Variants in ABI2 observed in about 807,000 individuals in gnomAD.
The protein encoded by ABI2 is abelson interactor 2.
A neutral mutation model predicts 59.2 loss-of-function variants in ABI2; 25 were observed. The ratio of observed to expected loss-of-function variants is 0.42; its 90% CI spans 0.31 to 0.59. The LOEUF (loss-of-function observed/expected upper bound fraction) is 0.59. Among genes scored for constraint, ABI2 ranks in the 20% least tolerant of loss-of-function variants. The pLI is 0.14. For missense variants in ABI2, 545 were observed against 681.8 expected (o/e 0.80, Z 2.23); for synonymous variants, 213 against 235.5 (o/e 0.90, Z 0.87).
chr2:203,413,086 A>C (rs905935032), intron 10 of ABI2, among the ~76,000 whole-genome samples: 9 of 152,228 alleles, frequency 5.9e-5, no homozygotes, highest in African/African-American at 1.7e-4. Flanking sequence ...TACACCTTAG[A>C]GAATTCTGCC....
intron 1 of ABI2, among the ~76,000 whole-genome samples, chr2:203,357,472 T>C (rs1187532579): frequency 6.6e-6 from 1 of 152,226 alleles, no homozygotes; most frequent in African/African-American, 2.4e-5. Flanking sequence ...GTTCTGAATC[T>C]CACGAAGATT....
chr2:203,345,924 A>T (rs1368117249), intron 1 of ABI2, among the ~76,000 whole-genome samples: 2 of 151,922 alleles, frequency 1.3e-5, no homozygotes, highest in African/African-American at 2.4e-5. Context: ...TCACGCCTGT[A>T]ATCCCAGCAC....
intron 1 of ABI2, among the ~76,000 whole-genome samples, chr2:203,344,293 C>T (rs1188482943): frequency 6.6e-6 from 1 of 152,022 alleles, no homozygotes; most frequent in Non-Finnish European, 1.5e-5. Flanking sequence ...CCAACAATGC[C>T]AGTAATTGCT....
At chr2:203,350,859 GTT>G (rs1418559745) in intron 1 of ABI2, among the ~76,000 whole-genome samples, 3 of 114,712 alleles carry the variant, frequency 2.6e-5, no homozygotes, top group African/African-American at 3.6e-5. Flanking sequence ...TTTGTTGTGT[GTT>G]TTGTGTGTGT....
chr2:203,391,539 T>G (rs2096741256), intron 5 of ABI2, among the ~76,000 whole-genome samples: 1 of 152,072 alleles, frequency 6.6e-6, no homozygotes. Context: ...TCAGGCCAGG[T>G]GTGTTGGCTC....
At chr2:203,367,191 T>G (rs1030637284) in intron 2 of ABI2, 147 bp downstream of exon 2, 16 of 1,143,516 alleles carry the variant, frequency 1.4e-5, no homozygotes, top group Non-Finnish European at 1.7e-5. Flanking sequence ...TGTTTTTAGA[T>G]TCTGTCTTTT....
At chr2:203,374,822 GT>G in intron 2 of ABI2, 1 of 456,168 alleles carries the variant, frequency 2.2e-6, no homozygotes, top group Non-Finnish European at 4.4e-6. Context: ...GATTGCAGAT[GT>G]TTTCCCACAC....
intron 2 of ABI2, among the ~76,000 whole-genome samples, chr2:203,373,063 C>T (rs1336996736): frequency 2.6e-5 from 4 of 152,204 alleles, no homozygotes; most frequent in Non-Finnish European, 5.9e-5. Context: ...GATGGGGTGG[C>T]GGCCGGGCAG....
rs189482651 is a variant in ABI2, at chr2:203,383,586, A to G, written c.480+1380A>G. On this transcript the variant is annotated intron_variant, in intron 4 of 11. Transcript: ENST00000261018. The stretch of plus-strand genomic sequence containing the variant: ...CTACTATCTCATGCTTGTTTTCTCT[A>G]AGCCCCAGTATGATTCCTTCTTGAT... Among the ~76,000 whole-genome samples, 199 of 152,258 alleles carry G rather than the reference A, an allele frequency of 1.3e-3. 1 individual carries two copies. The highest frequency in any genetic ancestry group is 4.4e-3 in the African/African-American group (184 of 41,558).
chr2:203,397,474 G>A (rs907419574), intron 8 of ABI2, among the ~76,000 whole-genome samples: 1 of 152,146 alleles, frequency 6.6e-6, no homozygotes, highest in African/African-American at 2.4e-5. Flanking sequence ...TATTTAAGTT[G>A]GCTGGTGTTT....
intron 1 of ABI2, among the ~76,000 whole-genome samples, chr2:203,365,932 G>A (rs1222942343): frequency 2.6e-5 from 4 of 151,950 alleles, no homozygotes. Flanking sequence ...CCCGGCCGGG[G>A]CTGTTATCTT....
chr2:203,426,535 GTTA>G (rs764079229), intron 11 of ABI2, among the ~76,000 whole-genome samples: 3 of 152,092 alleles, frequency 2.0e-5, no homozygotes, highest in Admixed American at 6.6e-5. Flanking sequence ...CTTTTAGTCT[GTTA>G]TTATAGTTAT....
intron 2 of ABI2, among the ~76,000 whole-genome samples, chr2:203,379,112 C>T (rs759370952): frequency 6.6e-6 from 1 of 152,056 alleles, no homozygotes; most frequent in Non-Finnish European, 1.5e-5. Context: ...ATTGTAATTA[C>T]AATACATTCT....
intron 9 of ABI2, among the ~76,000 whole-genome samples, chr2:203,403,860 T>C (rs1277580957): frequency 6.6e-6 from 1 of 151,014 alleles, no homozygotes; most frequent in African/African-American, 2.4e-5. Context: ...CAAGAGATTC[T>C]CCTGCCTCAG....
At chr2:203,415,259 G>A (rs1419644175) in intron 10 of ABI2, among the ~76,000 whole-genome samples, 1 of 152,176 alleles carries the variant, frequency 6.6e-6, no homozygotes, top group Non-Finnish European at 1.5e-5. Context: ...CAGATGGGAA[G>A]AATACTGATA....
chr2:203,428,028 G>A lies in ABI2; in HGVS notation c.*676G>A, dbSNP rs1247390736. On this transcript the variant is annotated 3_prime_UTR_variant, in exon 12 of 12. Coordinates refer to ENST00000261018, the MANE Select transcript of ABI2 (RefSeq NM_001375670.1). ...AAAGTCTCCCAACACTCTGAGGGTG[G>A]TGAACGATTGCCACCCGTTTGATTT... 6.6e-6 allele frequency: 1 copy of A among 152,208 alleles called. No homozygotes were observed. Among genetic ancestry groups the A allele is most frequent in the Non-Finnish European group, 1.5e-5 (1 of 68,066 alleles). 9.4% of individuals were successfully genotyped at this position (152,208 alleles called of 1,614,324 possible).
Position 203,382,173 on chromosome 2 carries a change from C to A in ABI2, c.463-16C>A, listed in dbSNP as rs1435547868. 5.9e-6 allele frequency: 9 copies of A among 1,524,752 alleles called. No homozygotes were observed. Among genetic ancestry groups the A allele is most frequent in the Non-Finnish European group, 7.9e-6 (9 of 1,141,962 alleles). The allele number at this position is 1,524,752 out of a possible 1,614,324, so 94.5% of individuals were successfully genotyped here. On this transcript the variant is annotated splice_polypyrimidine_tract_variant and intron_variant, in intron 3 of 11. Coordinates refer to ENST00000261018, the MANE Select transcript of ABI2 (RefSeq NM_001375670.1). Reference sequence around the variant, plus strand: ...TTTTTCCTTACCTCTTTTATTTGCTCCATTTATGCATTAAGTGGTTGCTTA... The same window carrying A: ...TTTTTCCTTACCTCTTTTATTTGCTACATTTATGCATTAAGTGGTTGCTTA...
intron 1 of ABI2, among the ~76,000 whole-genome samples, chr2:203,335,128 T>G (rs2075858832): frequency 6.6e-6 from 1 of 152,214 alleles, no homozygotes; most frequent in African/African-American, 2.4e-5. Flanking sequence ...TCTTAAAAAT[T>G]TCTATATTTT....
intron 1 of ABI2, among the ~76,000 whole-genome samples, chr2:203,338,977 TATATAA>T (rs1559154662): frequency 0.032 from 326 of 10,192 alleles, 26 homozygotes; most frequent in Admixed American, 0.039. Flanking sequence ...TATATATATA[TATATAA>T]ATATATATAT....
Sources: gnomAD v4.1 joint callset for allele counts (sites outside exome capture counted in the v4.1 genomes callset) on GRCh38, gnomAD v4.1.1 for gene constraint, MANE v1.5 for transcripts, NCBI Gene and HGNC (gene_info 2026-07-23, HGNC 2026-07-21) for gene names.